CNGB3: variants seen among roughly 807,000 people sequenced by gnomAD.
CNGB3 encodes cyclic nucleotide-gated channel beta-3.
In CNGB3, 86 loss-of-function variants were observed where a neutral mutation model predicts 92.8. The observed-to-expected ratio is 0.93, with a 90% CI of 0.78 to 1.11. CNGB3 has a LOEUF of 1.11. Among genes scored for constraint, CNGB3 ranks in the 50% least tolerant of loss-of-function variants. CNGB3 has a pLI of 0.00. For synonymous variants in CNGB3, 333 were observed against 332.7 expected, an observed-to-expected ratio of 1.00 and a Z score of -0.01; for missense variants, 1,026 against 956.8, an observed-to-expected ratio of 1.07 and a Z score of -0.95.
chr8:86,739,219 A>G (rs1242072781), intron 2 of CNGB3, among the ~76,000 whole-genome samples: 1 of 152,210 alleles, frequency 6.6e-6, no homozygotes, highest in Non-Finnish European at 1.5e-5. Context: ...GAGAGAGTTT[A>G]GCAGGAGGGA....
chr8:86,687,039 T>C (rs1038685961), intron 3 of CNGB3, among the ~76,000 whole-genome samples: 1 of 152,072 alleles, frequency 6.6e-6, no homozygotes, highest in African/African-American at 2.4e-5. Flanking sequence ...ATGTTAAAGA[T>C]TGTTCAAAAC....
intron 15 of CNGB3, among the ~76,000 whole-genome samples, chr8:86,591,597 C>G (rs926222653): frequency 6.6e-6 from 1 of 152,048 alleles, no homozygotes; most frequent in African/African-American, 2.4e-5. Flanking sequence ...GAGTACCCTG[C>G]CGTGTGAGGT....
chr8:86,631,016 G>A (rs1822951220), intron 11 of CNGB3, among the ~76,000 whole-genome samples: 1 of 152,076 alleles, frequency 6.6e-6, no homozygotes, highest in African/African-American at 2.4e-5. Context: ...TTCACTATGA[G>A]AGTTTGAGGC....
intron 15 of CNGB3, among the ~76,000 whole-genome samples, chr8:86,602,255 C>T (rs769881935): frequency 1.3e-5 from 2 of 152,162 alleles, no homozygotes; most frequent in Non-Finnish European, 2.9e-5. Context: ...GTTTCCACCA[C>T]TGCCCAAGAG....
At chr8:86,633,054 C>T (rs1455146656) in intron 10 of CNGB3, among the ~76,000 whole-genome samples, 161 bp from the exon 11 acceptor site, 1 of 152,138 alleles carries the variant, frequency 6.6e-6, no homozygotes, top group African/African-American at 2.4e-5. Flanking sequence ...CTAATGTAAA[C>T]TTCTTAATAA....
chr8:86,639,036 T>A (rs1823128961), intron 10 of CNGB3, among the ~76,000 whole-genome samples: 1 of 152,022 alleles, frequency 6.6e-6, no homozygotes, highest in Non-Finnish European at 1.5e-5. Flanking sequence ...AGTCTCATCA[T>A]CTTTATCTGT....
At chr8:86,648,389 AC>A (rs1425810154) in intron 7 of CNGB3, among the ~76,000 whole-genome samples, 1 of 151,136 alleles carries the variant, frequency 6.6e-6, no homozygotes, top group Non-Finnish European at 1.5e-5. Flanking sequence ...TCTACTTCGA[AC>A]CATTTTGCTA....
At chr8:86,648,631 A>T (rs556561890) in intron 7 of CNGB3, among the ~76,000 whole-genome samples, 12 of 151,384 alleles carry the variant, frequency 7.9e-5, no homozygotes, top group African/African-American at 2.9e-4. Flanking sequence ...TCTTGATGGC[A>T]ACAACAATAA....
chr8:86,683,794 A>G (rs1044356123), intron 3 of CNGB3, among the ~76,000 whole-genome samples: 2 of 152,196 alleles, frequency 1.3e-5, no homozygotes, highest in Non-Finnish European at 2.9e-5. Context: ...ATAGGCAAGA[A>G]AAGTGAACTT....
intron 13 of CNGB3, among the ~76,000 whole-genome samples, chr8:86,612,519 C>T (rs1822541551): frequency 6.6e-6 from 1 of 152,180 alleles, no homozygotes; most frequent in South Asian, 2.1e-4. Context: ...GAGTCAGTGG[C>T]AGAGAAAGGA....
rs1431864170 is a variant in CNGB3 at position 86,645,341 on chromosome 8, T to TACTTCCA, written c.991-656_991-655insTGGAAGT. The stretch of plus-strand genomic sequence containing the variant: ...TTCCTACTTCCTACTTCCTACTTCC[T>TACTTCCA]CTTTTGTTTCTATAGGCAGTAAAGT... On this transcript the variant is annotated intron_variant, in intron 8 of 17. Coordinates refer to ENST00000320005, the MANE Select transcript of CNGB3 (RefSeq NM_019098.5). 8.0e-5 allele frequency among the ~76,000 whole-genome samples: 12 copies of TACTTCCA among 150,838 alleles called. 2 individuals carry two copies. Among genetic ancestry groups the TACTTCCA allele is most frequent in the East Asian group, 3.9e-4 (2 of 5,156 alleles).
At chr8:86,606,631 T>C (rs1288617050) in intron 14 of CNGB3, among the ~76,000 whole-genome samples, 3 of 152,220 alleles carry the variant, frequency 2.0e-5, no homozygotes, top group African/African-American at 7.2e-5. Flanking sequence ...TTTTAATTCC[T>C]ATATTTGTTC....
At chr8:86,578,622 G>C in intron 17 of CNGB3, 67 bp downstream of exon 17, 1 of 1,456,794 alleles carries the variant, frequency 6.9e-7, no homozygotes. Context: ...TAGAGTGGGC[G>C]TTTGTGTGTA....
At chr8:86,723,440 A>T (rs1306680784) in intron 3 of CNGB3, among the ~76,000 whole-genome samples, 1 of 152,142 alleles carries the variant, frequency 6.6e-6, no homozygotes, top group East Asian at 1.9e-4. Context: ...ATATTTAACA[A>T]CTGAAAATAT....
At chr8:86,713,394 C>T (rs1023078071) in intron 3 of CNGB3, among the ~76,000 whole-genome samples, 3 of 152,108 alleles carry the variant, frequency 2.0e-5, no homozygotes, top group Non-Finnish European at 2.9e-5. Context: ...CAAGCATTTG[C>T]ACTTTTAAAG....
At chr8:86,637,550 T>G (rs1020653217) in intron 10 of CNGB3, among the ~76,000 whole-genome samples, 4 of 152,178 alleles carry the variant, frequency 2.6e-5, no homozygotes, top group African/African-American at 7.2e-5. Flanking sequence ...TGTGAGTAGT[T>G]GGGACATTTT....
chr8:86,716,439 T>C (rs1197372300), intron 3 of CNGB3, among the ~76,000 whole-genome samples: 2 of 152,126 alleles, frequency 1.3e-5, no homozygotes, highest in African/African-American at 4.8e-5. Flanking sequence ...AAAGTCAAGA[T>C]GAAGGAAAAA....
At chr8:86,697,872 A>C (rs28371813) in intron 3 of CNGB3, among the ~76,000 whole-genome samples, 88,723 of 150,678 alleles carry the variant, frequency 0.59, 26,865 homozygotes, top group South Asian at 0.74. Context: ...GTTCCCACCT[A>C]TGAGTGAGAA....
At chr8:86,606,233 C>A (rs1822410302) in intron 14 of CNGB3, among the ~76,000 whole-genome samples, 1 of 147,884 alleles carries the variant, frequency 6.8e-6, no homozygotes, top group Non-Finnish European at 1.5e-5. Context: ...TCACTGCAAC[C>A]TCTGCTTCCT....
Sources: allele counts gnomAD v4.1 joint callset (sites outside exome capture counted in the v4.1 genomes callset), GRCh38; gene constraint gnomAD v4.1.1; transcripts MANE v1.5; gene names NCBI Gene and HGNC (gene_info 2026-07-23, HGNC 2026-07-21).